The following EIF2AK4 variants were observed in gnomAD, a reference collection of about 807,000 sequenced individuals.
The protein encoded by EIF2AK4 is eukaryotic translation initiation factor 2 alpha kinase 4, also known as eIF-2-alpha kinase GCN2.
A neutral mutation model predicts 211.1 loss-of-function variants in EIF2AK4; 139 were observed. That is an observed-to-expected ratio of 0.66 (90% CI 0.57 to 0.76). The LOEUF is 0.76. EIF2AK4 is among the 30% of genes least tolerant of loss of function. The probability of loss-of-function intolerance (pLI) is 0.00; values close to 1 mark genes in which losing one functional copy is unlikely to be tolerated. For missense variants in EIF2AK4, 1,664 were observed against 2,043.8 expected (o/e 0.81, Z 3.58); for synonymous variants, 710 against 751.3 (o/e 0.94, Z 0.90).
chr15:40,023,199 G>GTCC (rs2035417753), intron 32 of EIF2AK4, among the ~76,000 whole-genome samples: 5 of 152,066 alleles, frequency 3.3e-5, no homozygotes, highest in African/African-American at 9.7e-5. Flanking sequence ...AGTTGTATCT[G>GTCC]CTGATAGGCA....
At chr15:39,942,257 CT>C (rs2034155489) in intron 2 of EIF2AK4, among the ~76,000 whole-genome samples, 1 of 152,158 alleles carries the variant, frequency 6.6e-6, no homozygotes, top group South Asian at 2.1e-4. Flanking sequence ...TTCTGGAATT[CT>C]GGAAATTTCA....
At position 39,987,574 on chromosome 15, in the gene EIF2AK4, G is replaced by A. The variant is rs1311988935; in HGVS notation, c.2404-409G>A. Among the ~76,000 whole-genome samples, 3 of 152,080 alleles carry A rather than the reference G, an allele frequency of 2.0e-5. No homozygotes were observed. The South Asian group carries it at 6.2e-4, about 32-fold the overall frequency. ...TATAATATTTTTCTCTAAACTTGAA[G>A]GTCATTTGTGTTTAATGTAAGAAAA... is the stretch of plus-strand genomic sequence containing the variant. On this transcript the variant is annotated intron_variant, in intron 14 of 38. Coordinates refer to ENST00000263791, the MANE Select transcript of EIF2AK4 (RefSeq NM_001013703.4).
chr15:40,034,166 A>G lies in EIF2AK4; in HGVS notation c.4774-160A>G, dbSNP rs969736968. Among the ~76,000 whole-genome samples, 3 of 152,248 alleles carry G rather than the reference A, an allele frequency of 2.0e-5. No homozygotes were observed. In the East Asian group the frequency reaches 5.8e-4, roughly 29 times the overall value. ...TAAGGAAAACTGGTGCTTCAGAGGA[A>G]CCCCAGCAGTCTCCTAACTGGTTCT... On this transcript the variant is annotated intron_variant, in intron 37 of 38. Transcript: ENST00000263791.
At chr15:40,009,884 T>C (rs545102270) in intron 26 of EIF2AK4, among the ~76,000 whole-genome samples, 154 bp downstream of exon 26, 1 of 152,336 alleles carries the variant, frequency 6.6e-6, no homozygotes, top group African/African-American at 2.4e-5. Flanking sequence ...AAAGAACCAA[T>C]TGATTTTAAT....
chr15:39,949,027 G>T lies in EIF2AK4; in HGVS notation c.361-89G>T. 2.0e-6 allele frequency: 3 copies of T among 1,498,808 alleles called. No homozygotes were observed. The Admixed American group carries it at 5.5e-5, about 27-fold the overall frequency. 92.8% of individuals were successfully genotyped at this position (1,498,808 alleles called of 1,614,324 possible). A position where few individuals can be genotyped will look rare whatever the true frequency, so the allele number is the denominator to read the frequency against. Reference sequence around the variant, plus strand: ...TGGCATTCTAAGTGGGCCTCTGACCGCCAGTTTGCTTTCCTGTTCTGTAGC... The same window carrying T: ...TGGCATTCTAAGTGGGCCTCTGACCTCCAGTTTGCTTTCCTGTTCTGTAGC... On this transcript the variant is annotated intron_variant, in intron 3 of 38. Coordinates refer to ENST00000263791, the MANE Select transcript of EIF2AK4 (RefSeq NM_001013703.4).
At chr15:40,012,922 CAT>C (rs1346019873) in intron 27 of EIF2AK4, among the ~76,000 whole-genome samples, 1 of 152,176 alleles carries the variant, frequency 6.6e-6, no homozygotes, top group Non-Finnish European at 1.5e-5. Flanking sequence ...AAGAGTTTCA[CAT>C]ATCTGACCCA....
chr15:39,981,891 C>T (rs369383583), intron 13 of EIF2AK4, among the ~76,000 whole-genome samples: 39 of 148,906 alleles, frequency 2.6e-4, no homozygotes, highest in African/African-American at 9.1e-4. Flanking sequence ...GCATGTACCT[C>T]TGAGGGCAGT....
intron 1 of EIF2AK4, among the ~76,000 whole-genome samples, chr15:39,938,703 C>T (rs1165064488): frequency 2.0e-5 from 3 of 152,116 alleles, no homozygotes; most frequent in African/African-American, 7.2e-5. Flanking sequence ...AGCTCTGTCC[C>T]TGTGTATCTG....
rs757614900 is a variant in EIF2AK4 at position 39,949,287 on chromosome 15, T to C, written c.513+19T>C. The C allele has an allele frequency of 3.2e-5, 51 of 1,612,590 alleles. No homozygotes were observed. The East Asian group carries it at 1.0e-3, about 33-fold the overall frequency. The stretch of plus-strand genomic sequence containing the variant: ...GCAGGAGGTGAGATGCCCTTGTCGA[T>C]GTCTGTGTGCATGGCCAGCCTGGAG... On this transcript the variant is annotated intron_variant, in intron 4 of 38. Transcript: ENST00000263791.
intron 32 of EIF2AK4, among the ~76,000 whole-genome samples, chr15:40,025,081 C>T (rs1341324214): frequency 6.6e-6 from 1 of 152,062 alleles, no homozygotes; most frequent in Non-Finnish European, 1.5e-5. Context: ...AATTCGTGGT[C>T]CTGGAAGGGC....
intron 32 of EIF2AK4, among the ~76,000 whole-genome samples, chr15:40,024,551 C>T (rs1204544698): frequency 6.6e-6 from 1 of 151,770 alleles, no homozygotes; most frequent in African/African-American, 2.4e-5. Flanking sequence ...AGGCACACAC[C>T]ACCACACCCA....
At chr15:40,027,605 T>C (rs1014279339) in intron 33 of EIF2AK4, among the ~76,000 whole-genome samples, 1 of 152,206 alleles carries the variant, frequency 6.6e-6, no homozygotes, top group African/African-American at 2.4e-5. Context: ...TAATCCCATT[T>C]TGTGGCCGGG....
chr15:39,963,022 A>G (rs2034494174), intron 7 of EIF2AK4, among the ~76,000 whole-genome samples: 1 of 152,194 alleles, frequency 6.6e-6, no homozygotes. Flanking sequence ...CTTCCTCTTT[A>G]AGGAGATACA....
At chr15:39,977,057 C>T (rs1416468467) in intron 12 of EIF2AK4, 2 of 484,722 alleles carry the variant, frequency 4.1e-6, no homozygotes, top group East Asian at 3.5e-5. Flanking sequence ...CGAATGCCCC[C>T]CAACATTAAT....
intron 13 of EIF2AK4, among the ~76,000 whole-genome samples, chr15:39,981,300 G>A (rs2034780388): frequency 1.3e-5 from 2 of 151,970 alleles, no homozygotes; most frequent in African/African-American, 4.8e-5. Context: ...AACTCAGGAG[G>A]CAGAGGTTAC....
chr15:39,944,229 T>A (rs1439388916), intron 3 of EIF2AK4, among the ~76,000 whole-genome samples: 1 of 152,114 alleles, frequency 6.6e-6, no homozygotes. Flanking sequence ...TTTTTAATCT[T>A]CTGAACATTA....
At chr15:39,939,229 C>T (rs2034110281) in intron 1 of EIF2AK4, among the ~76,000 whole-genome samples, 1 of 152,162 alleles carries the variant, frequency 6.6e-6, no homozygotes, top group Admixed American at 6.5e-5. Context: ...CAGGAGAGCA[C>T]CCAGGCATAA....
intron 37 of EIF2AK4, among the ~76,000 whole-genome samples, chr15:40,034,075 TAA>T (rs2035580861): frequency 6.6e-6 from 1 of 151,210 alleles, no homozygotes; most frequent in Admixed American, 6.6e-5. Context: ...ATAACTGCTC[TAA>T]AGTCACATCA....
At chr15:40,011,171 A>G in intron 26 of EIF2AK4, 110 bp from the exon 27 acceptor site, 2 of 796,798 alleles carry the variant, frequency 2.5e-6, no homozygotes, top group Non-Finnish European at 4.2e-6. Context: ...TACCATTAGG[A>G]GCAGTTTGTT....
Sources: allele counts gnomAD v4.1 joint callset (sites outside exome capture counted in the v4.1 genomes callset), GRCh38; gene constraint gnomAD v4.1.1; transcripts MANE v1.5; gene names NCBI Gene and HGNC (gene_info 2026-07-23, HGNC 2026-07-21).